TRIQK: variants seen among roughly 807,000 people sequenced by gnomAD.
The protein encoded by TRIQK is triple QxxK/R motif containing, also known as triple QxxK/R motif-containing protein.
In TRIQK, 10 loss-of-function variants were observed where a neutral mutation model predicts 10.8. The observed-to-expected ratio is 0.92, with a 90% confidence interval of 0.57 to 1.57. The LOEUF (loss-of-function observed/expected upper bound fraction) is 1.57, where lower values mean the gene tolerates loss of function less well. TRIQK is among the 40% of genes most tolerant of loss of function. The probability of loss-of-function intolerance (pLI) is 0.00; values close to 1 mark genes in which losing one functional copy is unlikely to be tolerated. For missense variants in TRIQK, 107 were observed against 97.7 expected (o/e 1.09, Z -0.40); for synonymous variants, 33 against 33.7 (o/e 0.98, Z 0.07).
At chr8:92,891,847 T>C (rs1816781078) in intron 4 of TRIQK, 142 bp downstream of exon 4, 3 of 618,430 alleles carry the variant, frequency 4.9e-6, no homozygotes, top group Non-Finnish European at 7.9e-6. Context: ...GTAAATTCTT[T>C]ACAAAAACCT....
upstream of TRIQK, among the ~76,000 whole-genome samples, chr8:92,971,013 T>C (rs957562702): frequency 2.0e-5 from 3 of 152,214 alleles, no homozygotes; most frequent in African/African-American, 7.2e-5. Flanking sequence ...TTTCTACATA[T>C]GGCTAGTCAG....
intron 1 of TRIQK, among the ~76,000 whole-genome samples, chr8:93,005,210 G>T (rs978484568): frequency 6.6e-6 from 1 of 152,204 alleles, no homozygotes; most frequent in Non-Finnish European, 1.5e-5. Flanking sequence ...GGCTGGAGAG[G>T]CCTCAGAAAA....
chr8:92,977,010 C>T (rs1008748620), intron 1 of TRIQK, among the ~76,000 whole-genome samples: 1 of 151,882 alleles, frequency 6.6e-6, no homozygotes, highest in Non-Finnish European at 1.5e-5. Flanking sequence ...ATTCAATATT[C>T]TTTTAAAGAG....
At chr8:92,897,882 C>T (rs1394365897) in intron 3 of TRIQK, among the ~76,000 whole-genome samples, 2 of 151,846 alleles carry the variant, frequency 1.3e-5, no homozygotes, top group African/African-American at 4.8e-5. Context: ...TATGCCTTAG[C>T]CTTCACTTCT....
intron 3 of TRIQK, among the ~76,000 whole-genome samples, chr8:92,913,450 A>G (rs1238816975): frequency 6.6e-6 from 1 of 152,226 alleles, no homozygotes; most frequent in Non-Finnish European, 1.5e-5. Flanking sequence ...AATGGCAATC[A>G]TTAAAAAGTC....
At chr8:92,996,345 T>G (rs1056469185) in intron 1 of TRIQK, among the ~76,000 whole-genome samples, 53 of 152,064 alleles carry the variant, frequency 3.5e-4, no homozygotes, top group Non-Finnish European at 4.4e-4. Context: ...ATTTTATGTA[T>G]TTTTAGTTAT....
chr8:92,966,155 G>GC (rs1435293417), upstream of TRIQK: 3 of 152,230 alleles, frequency 2.0e-5, no homozygotes, highest in African/African-American at 2.4e-5. Context: ...GCGAGGCTCT[G>GC]CCCCCAGGGG....
intron 1 of TRIQK, among the ~76,000 whole-genome samples, chr8:93,010,916 T>G (rs151121155): frequency 0.029 from 4,453 of 152,266 alleles, 77 homozygotes; most frequent in Non-Finnish European, 0.045. Context: ...TATTATGCTA[T>G]TTGAAAGAAG....
In TRIQK at chr8:92,992,717, A is replaced by G. The variant is rs185957188; in HGVS notation, c.-181+24892T>C. The stretch of plus-strand genomic sequence containing the variant: ...CTTGCTATTTATTGCGAGACCATGA[A>G]GACAGACTCCTCTGTGGGGCAGTTG... On this transcript the variant is annotated intron_variant, in intron 1 of 4. Transcript: ENST00000520686. 7.2e-3 allele frequency among the ~76,000 whole-genome samples: 1,099 copies of G among 152,294 alleles called. 9 individuals are homozygous for G. Among genetic ancestry groups the G allele is most frequent in the Non-Finnish European group, 0.013 (852 of 68,020 alleles).
chr8:92,894,632 C>T (rs1022093310), intron 3 of TRIQK, among the ~76,000 whole-genome samples: 1 of 152,060 alleles, frequency 6.6e-6, no homozygotes, highest in African/African-American at 2.4e-5. Flanking sequence ...AATCTGGGGC[C>T]TCAATCAAGC....
intron 3 of TRIQK, among the ~76,000 whole-genome samples, chr8:92,893,075 C>G (rs764287950): frequency 2.8e-4 from 43 of 152,030 alleles, no homozygotes; most frequent in Non-Finnish European, 5.3e-4. Context: ...CAAAACTCAT[C>G]GCTACATTCC....
rs1236194914 is a variant in TRIQK at position 92,990,921 on chromosome 8, A to C, written c.-181+26688T>G. On this transcript the variant is annotated intron_variant, in intron 1 of 4. Transcript: ENST00000520686. ...AGACAGAACCATTCACTGCCCTGAAAAGGGGGCTGAAGCCAGGGAGCCAAG... is the reference window on the plus strand; with the variant it reads ...AGACAGAACCATTCACTGCCCTGAACAGGGGGCTGAAGCCAGGGAGCCAAG... 2.6e-5 allele frequency among the ~76,000 whole-genome samples: 4 copies of C among 152,270 alleles called. No homozygotes were observed. In the East Asian group the frequency reaches 7.8e-4, roughly 30 times the overall value.
At chr8:92,993,911 A>G (rs1244360871) in intron 1 of TRIQK, among the ~76,000 whole-genome samples, 1 of 152,184 alleles carries the variant, frequency 6.6e-6, no homozygotes, top group Non-Finnish European at 1.5e-5. Context: ...TATTGATGAT[A>G]AAAGACTAGG....
intron 3 of TRIQK, among the ~76,000 whole-genome samples, chr8:92,915,779 GT>G (rs11287418): frequency 0.67 from 101,477 of 151,758 alleles, 34,226 homozygotes; most frequent in Admixed American, 0.78. Flanking sequence ...GATTACTGGC[GT>G]TAAGTCACCG....
chr8:92,920,709 T>C (rs1252407693), intron 2 of TRIQK, among the ~76,000 whole-genome samples: 1 of 151,752 alleles, frequency 6.6e-6, no homozygotes, highest in Non-Finnish European at 1.5e-5. Flanking sequence ...GGAAAGAAAT[T>C]GCACTGTGTT....
chr8:92,919,993 T>C lies in TRIQK; in HGVS notation c.-21-2983A>G, dbSNP rs550761056. Among the ~76,000 whole-genome samples, 6 of 151,912 alleles carry C rather than the reference T, an allele frequency of 3.9e-5. No homozygotes were observed. The East Asian group carries it at 1.2e-3, about 29-fold the overall frequency. On this transcript the variant is annotated intron_variant, in intron 2 of 4. Transcript: ENST00000521988. ...TATCAGTTGTAATGTTTCTTTTTTG[T>C]TTCCCATTTTATTTGAGTTTTCTCC...
chr8:92,970,607 G>A (rs1268612310), upstream of TRIQK, among the ~76,000 whole-genome samples: 4 of 152,104 alleles, frequency 2.6e-5, no homozygotes, highest in Admixed American at 2.6e-4. Context: ...CTTCTTTTGA[G>A]ATGTCCCTGT....
At chr8:92,911,868 TGA>T in intron 3 of TRIQK, among the ~76,000 whole-genome samples, 1 of 148,258 alleles carries the variant, frequency 6.7e-6, no homozygotes, top group South Asian at 2.1e-4. Flanking sequence ...TATGTATATA[TGA>T]GTGTACATAT....
At chr8:92,898,031 T>C (rs1272676642) in intron 3 of TRIQK, among the ~76,000 whole-genome samples, 4 of 152,146 alleles carry the variant, frequency 2.6e-5, no homozygotes, top group Non-Finnish European at 5.9e-5. Flanking sequence ...AAAAATTCTA[T>C]GGGCATGTTG....
Sources: allele counts gnomAD v4.1 joint callset (sites outside exome capture counted in the v4.1 genomes callset), GRCh38; gene constraint gnomAD v4.1.1; transcripts MANE v1.5; gene names NCBI Gene and HGNC (gene_info 2026-07-23, HGNC 2026-07-21).